The following CENPW variants were observed in gnomAD, a reference collection of about 807,000 sequenced individuals.
CENPW encodes centromere protein W, also known as cancer-up-regulated gene 2 protein.
A neutral mutation model predicts 11.1 loss-of-function variants in CENPW; 3 were observed. That is an observed-to-expected ratio of 0.27 (90% CI 0.12 to 0.70). The LOEUF is 0.70. Ranked by LOEUF, CENPW falls within the 30% of genes least tolerant of loss-of-function variation. The pLI, the probability that CENPW is intolerant of heterozygous loss-of-function variation, is 0.77. For missense variants in CENPW, 100 were observed against 105.6 expected, an observed-to-expected ratio of 0.95 and a Z score of 0.23; for synonymous variants, 38 against 42.0, an observed-to-expected ratio of 0.91 and a Z score of 0.37.
intron 2 of CENPW, among the ~76,000 whole-genome samples, chr6:126,346,608 C>G (rs949491005): frequency 3.3e-5 from 5 of 152,152 alleles, no homozygotes; most frequent in Non-Finnish European, 7.3e-5. Context: ...TCAAAACTTA[C>G]TTTCTTCTTG....
chr6:126,341,188 G>A (rs909695076), intron 1 of CENPW, among the ~76,000 whole-genome samples: 1 of 152,108 alleles, frequency 6.6e-6, no homozygotes, highest in African/African-American at 2.4e-5. Flanking sequence ...TGAATACCTG[G>A]AACACATATT....
chr6:126,395,183 A>C, the CENPW span, among the ~76,000 whole-genome samples: 7 of 151,716 alleles, frequency 4.6e-5, no homozygotes, highest in Non-Finnish European at 7.4e-5. Flanking sequence ...TTTTGAGGCT[A>C]TTTTCTAGAT....
the CENPW span, among the ~76,000 whole-genome samples, chr6:126,410,694 AT>A: frequency 6.6e-6 from 1 of 150,758 alleles, no homozygotes; most frequent in Non-Finnish European, 1.5e-5. Flanking sequence ...ACTCTTTTTC[AT>A]TTTTTTCCCT....
the CENPW span, among the ~76,000 whole-genome samples, chr6:126,404,615 A>G: frequency 6.6e-6 from 1 of 152,094 alleles, no homozygotes; most frequent in South Asian, 2.1e-4. Flanking sequence ...GTAATAACTT[A>G]CATTTCCACC....
the CENPW span, among the ~76,000 whole-genome samples, chr6:126,440,428 G>T: frequency 6.6e-6 from 1 of 151,544 alleles, no homozygotes. Flanking sequence ...AAGTAATTTA[G>T]TAACATTTAT....
At chr6:126,465,758 G>A in the CENPW span, among the ~76,000 whole-genome samples, 1 of 152,076 alleles carries the variant, frequency 6.6e-6, no homozygotes, top group African/African-American at 2.4e-5. Flanking sequence ...AAGACACATA[G>A]TGGAGAATGG....
At chr6:126,399,019 T>C in the CENPW span, among the ~76,000 whole-genome samples, 1 of 152,060 alleles carries the variant, frequency 6.6e-6, no homozygotes, top group Non-Finnish European at 1.5e-5. Context: ...TAGTATTCCA[T>C]TGTGTATTTG....
chr6:126,482,317 C>T, the CENPW span, among the ~76,000 whole-genome samples: 1 of 151,820 alleles, frequency 6.6e-6, no homozygotes, highest in African/African-American at 2.4e-5. Context: ...AAGTATAATA[C>T]CTGGTTTATA....
At chr6:126,417,512 C>A in the CENPW span, among the ~76,000 whole-genome samples, 1 of 152,054 alleles carries the variant, frequency 6.6e-6, no homozygotes, top group African/African-American at 2.4e-5. Flanking sequence ...CTTAAATTCC[C>A]ACATGTTGTG....
Position 126,347,650 on chromosome 6 carries a change from C to A in CENPW, c.241-816C>A, listed in dbSNP as rs1481472942. On this transcript the variant is annotated intron_variant, in intron 2 of 2. Transcript: ENST00000368328. ...TTTCTAGGGCCTTTAAATTATCTTG[C>A]AATTATAAACATTCCAACAAATTTC... 3.3e-5 allele frequency among the ~76,000 whole-genome samples: 5 copies of A among 151,918 alleles called. No individual in the cohort carries two copies. In the East Asian group the frequency reaches 9.7e-4, roughly 29 times the overall value.
the CENPW span, among the ~76,000 whole-genome samples, chr6:126,363,858 G>C: frequency 1.3e-5 from 2 of 152,138 alleles, no homozygotes; most frequent in Admixed American, 1.3e-4. Flanking sequence ...TGCTGCTTTC[G>C]AGGGAGTTTC....
chr6:126,458,414 T>G, the CENPW span, among the ~76,000 whole-genome samples: 10 of 151,396 alleles, frequency 6.6e-5, no homozygotes. Context: ...CTTCTTCCTG[T>G]TTTTATTCAA....
At chr6:126,386,062 TAA>T in the CENPW span, among the ~76,000 whole-genome samples, 3 of 152,014 alleles carry the variant, frequency 2.0e-5, no homozygotes, top group Admixed American at 2.0e-4. Flanking sequence ...TTATAACAGG[TAA>T]AAGGAATTAT....
At chr6:126,347,002 A>G (rs903064753) in intron 2 of CENPW, among the ~76,000 whole-genome samples, 2 of 152,172 alleles carry the variant, frequency 1.3e-5, no homozygotes, top group African/African-American at 4.8e-5. Flanking sequence ...TTTTACTGTT[A>G]TTTTTATATA....
chr6:126,464,047 G>A, the CENPW span, among the ~76,000 whole-genome samples: 1 of 152,040 alleles, frequency 6.6e-6, no homozygotes, highest in Non-Finnish European at 1.5e-5. Context: ...GAACATATAT[G>A]TTATTGTTAT....
chr6:126,343,754 C>G (rs1780356321), intron 1 of CENPW, among the ~76,000 whole-genome samples: 1 of 152,174 alleles, frequency 6.6e-6, no homozygotes, highest in African/African-American at 2.4e-5. Flanking sequence ...ATTCTTCTGC[C>G]TGCTTTATTC....
the CENPW span, among the ~76,000 whole-genome samples, chr6:126,427,563 C>T: frequency 1.3e-5 from 2 of 152,324 alleles, no homozygotes; most frequent in South Asian, 4.1e-4. Flanking sequence ...CACTACCTCA[C>T]AATAACTCAC....
chr6:126,471,075 G>A, the CENPW span, among the ~76,000 whole-genome samples: 6 of 152,190 alleles, frequency 3.9e-5, no homozygotes, highest in South Asian at 4.1e-4. Context: ...GTTTTGAAAC[G>A]TGAAAAGGAC....
At chr6:126,473,875 A>G in the CENPW span, among the ~76,000 whole-genome samples, 1 of 149,160 alleles carries the variant, frequency 6.7e-6, no homozygotes, top group Non-Finnish European at 1.5e-5. Flanking sequence ...ATAGATATAT[A>G]GAATATATAT....
Sources: allele counts gnomAD v4.1 joint callset (sites outside exome capture counted in the v4.1 genomes callset), GRCh38; gene constraint gnomAD v4.1.1; transcripts MANE v1.5; gene names NCBI Gene and HGNC (gene_info 2026-07-23, HGNC 2026-07-21).